MROH2B: variants seen among roughly 807,000 people sequenced by gnomAD.
MROH2B encodes the protein maestro heat-like repeat-containing protein family member 2B.
MROH2B carries 177 observed loss-of-function variants against 208.6 expected under a neutral mutation model. The observed-to-expected ratio is 0.85, with a 90% CI of 0.75 to 0.96. The LOEUF (loss-of-function observed/expected upper bound fraction) is 0.96. MROH2B is among the 40% of genes least tolerant of loss of function. The pLI is 0.00. For synonymous variants in MROH2B, 728 were observed against 659.0 expected, an observed-to-expected ratio of 1.10 and a Z score of -1.60; for missense variants, 2,002 against 1,878.7, an observed-to-expected ratio of 1.07 and a Z score of -1.21.
chr5:41,029,942 A>G (rs1254623666), intron 24 of MROH2B, among the ~76,000 whole-genome samples: 9 of 152,108 alleles, frequency 5.9e-5, no homozygotes, highest in African/African-American at 2.2e-4. Flanking sequence ...GTACTCCCAA[A>G]TCTAAAATAA....
chr5:41,037,465 C>T (rs1026097064), intron 21 of MROH2B, among the ~76,000 whole-genome samples: 1 of 152,150 alleles, frequency 6.6e-6, no homozygotes, highest in African/African-American at 2.4e-5. Flanking sequence ...CATTAGGCAT[C>T]TCTATTTTTG....
intron 24 of MROH2B, among the ~76,000 whole-genome samples, chr5:41,030,943 G>T (rs564020852): frequency 6.6e-6 from 1 of 152,042 alleles, no homozygotes; most frequent in African/African-American, 2.4e-5. Context: ...ACTAAGAAAA[G>T]TATGATGTTT....
At chr5:41,029,764 C>T (rs1450466828) in intron 24 of MROH2B, among the ~76,000 whole-genome samples, 1 of 151,818 alleles carries the variant, frequency 6.6e-6, no homozygotes, top group African/African-American at 2.4e-5. Flanking sequence ...GACAAATGGA[C>T]TACTTAAAAA....
Position 41,067,191 on chromosome 5 carries a change from C to T in MROH2B, c.118G>A (p.Val40Ile). The change falls in exon 3 of 42, where the codon GTT (valine) becomes ATT (isoleucine). Residue 40 changes from valine (V) to isoleucine (I), a missense_variant. Transcript: ENST00000399564. ...TCCAAGATGTCAGTATTCTGAATAA[C>T]AGAAGTGAGATGACTGTAAATGTCT... ...KEDIYSHLTS[V>I]IQNTDILDDA... 1 of 1,553,310 alleles carries T rather than the reference C, an allele frequency of 6.4e-7. No individual in the cohort carries two copies. The highest frequency in any genetic ancestry group is 1.2e-5 in the South Asian group (1 of 84,282).
rs1389107818 is a variant in MROH2B at position 41,009,985 on chromosome 5, A to G, written c.3230T>C (p.Ile1077Thr). 3 of 1,613,870 alleles carry G rather than the reference A, an allele frequency of 1.9e-6. No homozygotes were observed. In the South Asian group the frequency reaches 3.3e-5, roughly 18 times the overall value. ...AACTGTATCCATGTGAAAGCTGGCT[A>G]TCTGGGAGATGGCTTCTAGAATGAA... is the stretch of plus-strand genomic sequence containing the variant. ...FQFILEAISQ[I>T]ASFHMDTVVV... is the part of the protein sequence containing the mutation. The change falls in exon 31 of 42, where the codon ATA becomes ACA. Residue 1077 changes from isoleucine to threonine, a missense_variant. Ile to Thr is a moderately conservative substitution (Grantham distance 89). Transcript: ENST00000399564.
intron 40 of MROH2B, among the ~76,000 whole-genome samples, chr5:40,999,334 T>C (rs1741311877): frequency 1.3e-5 from 2 of 152,130 alleles, no homozygotes; most frequent in Non-Finnish European, 2.9e-5. Flanking sequence ...ATGGGTTATC[T>C]TATGGGATGA....
intron 40 of MROH2B, 86 bp downstream of exon 40, chr5:40,999,591 T>G (rs962778597): frequency 9.4e-7 from 1 of 1,065,742 alleles, no homozygotes; most frequent in Middle Eastern, 2.1e-4. Context: ...GTCCTACTAG[T>G]GTTCATACTG....
intron 18 of MROH2B, among the ~76,000 whole-genome samples, chr5:41,044,328 C>T (rs531579046): frequency 7.2e-5 from 11 of 151,828 alleles, no homozygotes; most frequent in Non-Finnish European, 1.3e-4. Context: ...TAGATGACTA[C>T]CCACCTGAGC....
intron 24 of MROH2B, among the ~76,000 whole-genome samples, chr5:41,031,621 T>C (rs562898206): frequency 6.6e-6 from 1 of 152,214 alleles, no homozygotes; most frequent in South Asian, 2.1e-4. Context: ...GTTCAGACGG[T>C]ACATGTGTGG....
At position 41,049,323 on chromosome 5, in the gene MROH2B, G is replaced by A; in HGVS notation, c.1458C>T (p.His486=). The change falls in exon 14 of 42, where the codon CAC becomes CAT. Residue 486 remains histidine (H), a synonymous_variant. Transcript: ENST00000399564. ...ILIMAEEKKQ[H]SAKESTALVV... ...CAAGTGCTGTCGACTCCTTGGCACT[G>A]TGCTGCTTCTTCTCCTCTGCCATAA... is the stretch of plus-strand genomic sequence containing the variant. 1 of 1,613,696 alleles carries A rather than the reference G, an allele frequency of 6.2e-7. No homozygotes were observed. Among genetic ancestry groups the A allele is most frequent in the Non-Finnish European group, 8.5e-7 (1 of 1,179,764 alleles).
Position 41,006,037 on chromosome 5 carries a change from A to AAG in MROH2B, c.3750-393_3750-392insCT, listed in dbSNP as rs1481297718. Among the ~76,000 whole-genome samples, 3 of 151,440 alleles carry AAG rather than the reference A, an allele frequency of 2.0e-5. No individual in the cohort carries two copies. In the East Asian group the frequency reaches 5.8e-4, roughly 29 times the overall value. On this transcript the variant is annotated intron_variant, in intron 34 of 41. Coordinates refer to ENST00000399564, the MANE Select transcript of MROH2B (RefSeq NM_173489.5). ...GAAGAGTAAGATTCTGTCTCCAAAA[A>AAG]AAAAAAAAAGAAAAAAGAAAAAAGA...
chr5:41,054,130 C>T (rs1443428970), intron 11 of MROH2B, among the ~76,000 whole-genome samples: 1 of 152,034 alleles, frequency 6.6e-6, no homozygotes, highest in East Asian at 1.9e-4. Flanking sequence ...CAGGTGTGAG[C>T]CAGCACACTT....
rs535865975 is a variant in MROH2B at position 41,048,430 on chromosome 5, A to C, written c.1578T>G (p.Arg526=). 6.2e-7 allele frequency: 1 copy of C among 1,613,472 alleles called. No homozygotes were observed. Among genetic ancestry groups the C allele is most frequent in the East Asian group, 2.2e-5 (1 of 44,874 alleles). Residue 526 remains arginine (R), a synonymous_variant, in exon 16 of 42, where the codon CGT becomes CGG. Transcript: ENST00000399564. The part of the protein sequence containing the change: ...ISMPASLGEL[R]GAGAIGLLKI... ...TCAAAAGCCCTATTGCACCAGCCCC[A>C]CGTAACTCCCCTAAACTGGCAGGCA...
intron 4 of MROH2B, 134 bp from the exon 5 acceptor site, chr5:41,064,704 A>G: frequency 1.7e-6 from 1 of 587,002 alleles, no homozygotes; most frequent in Non-Finnish European, 3.0e-6. Context: ...AGATGTTTCT[A>G]TAATTCCGCC....
Position 41,004,347 on chromosome 5 carries a change from T to A in MROH2B, c.4193A>T (p.Asp1398Val), listed in dbSNP as rs1409230411. 1 of 1,612,562 alleles carries A rather than the reference T, an allele frequency of 6.2e-7. No individual in the cohort carries two copies. Among genetic ancestry groups the A allele is most frequent in the Admixed American group, 1.7e-5 (1 of 59,708 alleles). Reference protein sequence around the residue: ...IVLQTRTFFEDEQDDVRLTAI... With the variant: ...IVLQTRTFFEVEQDDVRLTAI... ...AAGTTCCTAAACAGGCTCACTTACA[T>A]CTTCAAAGAAGGTCCTTGTTTGCAG... is the stretch of plus-strand genomic sequence containing the variant. Residue 1398 changes from aspartate to valine, a missense_variant and splice_region_variant, in exon 37 of 42, where the codon GAT becomes GTT. Transcript: ENST00000399564.
At chr5:41,005,894 G>A (rs756206127) in intron 34 of MROH2B, among the ~76,000 whole-genome samples, 1 of 151,992 alleles carries the variant, frequency 6.6e-6, no homozygotes, top group Non-Finnish European at 1.5e-5. Flanking sequence ...AGCCAGGCAT[G>A]GTGGTGTGCT....
In MROH2B at chr5:41,052,527, G is replaced by T; in HGVS notation, c.1168C>A (p.Arg390=). ...TAATCAATCAATGGCCATCCTTCCC[G>T]AGCTTCAATATAGGACTTTTCACAC... The part of the protein sequence containing the change: ...TMCEKSYIEA[R]EGWPLIDYVF... The change falls in exon 12 of 42, where the codon CGG becomes AGG. Residue 390 remains arginine, a synonymous_variant. Transcript: ENST00000399564. 6.2e-7 allele frequency: 1 copy of T among 1,612,608 alleles called. No individual in the cohort carries two copies. Among genetic ancestry groups the T allele is most frequent in the Non-Finnish European group, 8.5e-7 (1 of 1,179,178 alleles).
chr5:41,022,030 G>A (rs1161505945), intron 24 of MROH2B, among the ~76,000 whole-genome samples: 1 of 152,170 alleles, frequency 6.6e-6, no homozygotes, highest in African/African-American at 2.4e-5. Context: ...GTATATTTAA[G>A]GTATACAGCA....
intron 24 of MROH2B, among the ~76,000 whole-genome samples, chr5:41,029,246 GC>G (rs1205595884): frequency 6.6e-6 from 1 of 151,950 alleles, no homozygotes; most frequent in African/African-American, 2.4e-5. Context: ...TTTTTCATTT[GC>G]CTTTTAGCCA....
Sources: gnomAD v4.1 joint callset for allele counts (sites outside exome capture counted in the v4.1 genomes callset) on GRCh38, gnomAD v4.1.1 for gene constraint, MANE v1.5 for transcripts, NCBI Gene and HGNC (gene_info 2026-07-23, HGNC 2026-07-21) for gene names.